RASAL2: variants seen among roughly 807,000 people sequenced by gnomAD.
RASAL2 encodes ras GTPase-activating protein nGAP.
A neutral mutation model predicts 128.9 loss-of-function variants in RASAL2; 58 were observed. The observed-to-expected ratio is 0.45, with a 90% CI of 0.36 to 0.56. RASAL2 has a LOEUF of 0.56. RASAL2 is among the 20% of genes least tolerant of loss of function. RASAL2 has a pLI of 0.00. For missense variants in RASAL2, 1,360 were observed against 1,601.6 expected (o/e 0.85, Z 2.57); for synonymous variants, 561 against 580.8 (o/e 0.97, Z 0.49).
At chr1:178,299,271 T>G (rs1667655071) in intron 2 of RASAL2, among the ~76,000 whole-genome samples, 1 of 152,216 alleles carries the variant, frequency 6.6e-6, no homozygotes, top group African/African-American at 2.4e-5. Flanking sequence ...TGAAATATTT[T>G]AAGATAATTT....
intron 5 of RASAL2, among the ~76,000 whole-genome samples, chr1:178,422,230 TG>T (rs1675198480): frequency 6.6e-6 from 1 of 152,058 alleles, no homozygotes; most frequent in Non-Finnish European, 1.5e-5. Context: ...AGGTTGCCCA[TG>T]GGAATTGTTT....
intron 1 of RASAL2, among the ~76,000 whole-genome samples, chr1:178,246,776 AG>A (rs1664785107): frequency 6.6e-6 from 1 of 152,124 alleles, no homozygotes; most frequent in Admixed American, 6.5e-5. Flanking sequence ...TTTAGCATGA[AG>A]GGGTTTTGAA....
intron 5 of RASAL2, among the ~76,000 whole-genome samples, chr1:178,431,654 CA>C (rs1239103090): frequency 1.3e-5 from 2 of 150,774 alleles, no homozygotes; most frequent in Non-Finnish European, 3.0e-5. Context: ...TTGCTAATCA[CA>C]AAAAAAGGAA....
intron 3 of RASAL2, among the ~76,000 whole-genome samples, chr1:178,385,771 A>G (rs2102584976): frequency 6.6e-6 from 1 of 152,088 alleles, no homozygotes; most frequent in East Asian, 1.9e-4. Context: ...GTTCCCACTC[A>G]CTGGCACCAA....
At chr1:178,154,349 G>A (rs1028041597) in intron 1 of RASAL2, among the ~76,000 whole-genome samples, 1 of 151,958 alleles carries the variant, frequency 6.6e-6, no homozygotes, top group African/African-American at 2.4e-5. Flanking sequence ...GGGTCTCCCT[G>A]TGTTGTCCAG....
chr1:178,192,389 G>A (rs989544474), intron 1 of RASAL2, among the ~76,000 whole-genome samples: 1 of 152,188 alleles, frequency 6.6e-6, no homozygotes, highest in African/African-American at 2.4e-5. Context: ...AATAGCACAT[G>A]AACGAAGAAC....
intron 3 of RASAL2, among the ~76,000 whole-genome samples, chr1:178,357,705 C>CAT (rs1670884373): frequency 6.6e-6 from 1 of 152,060 alleles, no homozygotes; most frequent in Non-Finnish European, 1.5e-5. Context: ...AATTTACTTT[C>CAT]ATACACATTT....
chr1:178,376,215 A>T (rs1158514664), intron 3 of RASAL2, among the ~76,000 whole-genome samples: 1 of 152,172 alleles, frequency 6.6e-6, no homozygotes, highest in Non-Finnish European at 1.5e-5. Flanking sequence ...TAGGCTTGAC[A>T]ATGTAAGAGA....
At chr1:178,311,261 C>CAT (rs1668235257) in intron 3 of RASAL2, among the ~76,000 whole-genome samples, 1 of 151,014 alleles carries the variant, frequency 6.6e-6, no homozygotes, top group Non-Finnish European at 1.5e-5. Flanking sequence ...CAAACACACA[C>CAT]ACACACACAC....
chr1:178,458,000 T>C lies in RASAL2; in HGVS notation c.2708T>C (p.Val903Ala). 6.2e-7 allele frequency: 1 copy of C among 1,614,048 alleles called. No homozygotes were observed. The highest frequency in any genetic ancestry group is 8.5e-7 in the Non-Finnish European group (1 of 1,180,000). Reference sequence around the variant, plus strand: ...AGCACTCCCCAAAGTGCACCCCAAGTGAGAAGGCCCCTGCACCCAGCCTTG... The same window carrying C: ...AGCACTCCCCAAAGTGCACCCCAAGCGAGAAGGCCCCTGCACCCAGCCTTG... ...TQSTPQSAPQ[V>A]RRPLHPALNQ... Residue 903 changes from valine to alanine, a missense_variant, in exon 14 of 18, where the codon GTG becomes GCG. By Grantham distance (64) the Val-to-Ala change is moderately conservative (BLOSUM62 0). Coordinates refer to ENST00000367649, the MANE Select transcript of RASAL2 (RefSeq NM_170692.4).
At chr1:178,417,261 C>T (rs1209203783) in intron 4 of RASAL2, among the ~76,000 whole-genome samples, 1 of 151,982 alleles carries the variant, frequency 6.6e-6, no homozygotes, top group Admixed American at 6.6e-5. Flanking sequence ...GAGATTCTTT[C>T]CTCAGCCATG....
intron 1 of RASAL2, among the ~76,000 whole-genome samples, chr1:178,281,172 G>A (rs959858604): frequency 6.6e-6 from 1 of 151,676 alleles, no homozygotes; most frequent in East Asian, 1.9e-4. Context: ...CCAAAAATGG[G>A]CATTAGAAAA....
chr1:178,367,933 G>A (rs1160083031), intron 3 of RASAL2, among the ~76,000 whole-genome samples: 1 of 151,994 alleles, frequency 6.6e-6, no homozygotes, highest in Non-Finnish European at 1.5e-5. Flanking sequence ...ACATAAATCA[G>A]GGATCATTTA....
At chr1:178,430,295 A>C (rs1295855012) in intron 5 of RASAL2, among the ~76,000 whole-genome samples, 2 of 152,150 alleles carry the variant, frequency 1.3e-5, no homozygotes, top group Non-Finnish European at 1.5e-5. Context: ...AGAGTTTCCT[A>C]TTCCAGATTT....
intron 17 of RASAL2, chr1:178,470,711 A>G (rs762485467): frequency 7.3e-7 from 1 of 1,365,862 alleles, no homozygotes; most frequent in Non-Finnish European, 9.8e-7. Context: ...TGGAGATGAG[A>G]TTATTCAAAC....
At chr1:178,108,319 T>A (rs1659174885) in intron 1 of RASAL2, among the ~76,000 whole-genome samples, 1 of 152,178 alleles carries the variant, frequency 6.6e-6, no homozygotes, top group African/African-American at 2.4e-5. Context: ...ATTTTTTAGA[T>A]TGTCACTGAT....
chr1:178,106,722 A>T (rs1659103845), intron 1 of RASAL2, among the ~76,000 whole-genome samples: 1 of 152,210 alleles, frequency 6.6e-6, no homozygotes, highest in African/African-American at 2.4e-5. Context: ...AAATAGAAAG[A>T]TACCCCAGAT....
chr1:178,454,540 T>G lies in RASAL2; in HGVS notation c.2103T>G (p.Asn701Lys), dbSNP rs201332971. The G allele has an allele frequency of 6.4e-5, 104 of 1,613,832 alleles. 2 individuals carry two copies. In the East Asian group the frequency reaches 1.7e-3, roughly 27 times the overall value. ...GMKRFLLEIS[N>K]PDTISNTPGF... ...AGCGCTTTCTTTTGGAGATCTCTAA[T>G]CCAGACACCATCTCAAACACCCCAG... is the stretch of plus-strand genomic sequence containing the variant. Residue 701 changes from asparagine (N) to lysine (K), a missense_variant, in exon 12 of 18, where the codon AAT (asparagine) becomes AAG (lysine). Physicochemically the swap from Asn to Lys is moderately conservative, Grantham distance 94. This residue lies in a region of RASAL2 where 741 missense variants were observed against 868.6 expected (regional missense o/e 0.85). Coordinates refer to ENST00000367649, the MANE Select transcript of RASAL2 (RefSeq NM_170692.4).
chr1:178,178,300 C>G (rs980135335), intron 1 of RASAL2, among the ~76,000 whole-genome samples: 1 of 151,968 alleles, frequency 6.6e-6, no homozygotes, highest in Non-Finnish European at 1.5e-5. Context: ...ATGTTAGCAA[C>G]ATGATGATAA....
Sources: gnomAD v4.1 joint callset for allele counts (sites outside exome capture counted in the v4.1 genomes callset) on GRCh38, gnomAD v4.1.1 for gene constraint, gnomAD v4.1.1 regional missense constraint, MANE v1.5 for transcripts, NCBI Gene and HGNC (gene_info 2026-07-23, HGNC 2026-07-21) for gene names.